Variants in ASIC2 observed in about 807,000 individuals in gnomAD.
ASIC2 encodes the protein acid-sensing ion channel 2.
In ASIC2, 25 loss-of-function variants were observed where a neutral mutation model predicts 57.3. That is an observed-to-expected ratio of 0.44 (90% CI 0.32 to 0.61). The LOEUF (loss-of-function observed/expected upper bound fraction) is 0.61, where lower values mean the gene tolerates loss of function less well. ASIC2 is among the 20% of genes least tolerant of loss of function. The pLI, the probability that ASIC2 is intolerant of heterozygous loss-of-function variation, is 0.06. For missense variants in ASIC2, 641 were observed against 738.1 expected (o/e 0.87, Z 1.52); for synonymous variants, 319 against 307.5 (o/e 1.04, Z -0.39).
At chr17:33,987,432 C>T (rs560244134) in intron 1 of ASIC2, among the ~76,000 whole-genome samples, 51 of 152,196 alleles carry the variant, frequency 3.4e-4, no homozygotes, top group Non-Finnish European at 7.1e-4. Flanking sequence ...CACTTTCCCA[C>T]ACAGCTTCCC....
At chr17:34,112,297 T>C (rs1911300127) in intron 1 of ASIC2, among the ~76,000 whole-genome samples, 1 of 152,116 alleles carries the variant, frequency 6.6e-6, no homozygotes, top group Non-Finnish European at 1.5e-5. Context: ...TTAAATACAT[T>C]AGAGTACCAA....
chr17:33,617,832 T>A (rs1406996546), intron 1 of ASIC2, among the ~76,000 whole-genome samples: 2 of 152,226 alleles, frequency 1.3e-5, no homozygotes, highest in African/African-American at 2.4e-5. Context: ...CAAAGAGGAA[T>A]AATTATATCA....
chr17:33,571,042 G>A (rs749628891), intron 1 of ASIC2, among the ~76,000 whole-genome samples: 2 of 151,958 alleles, frequency 1.3e-5, no homozygotes, highest in Admixed American at 6.6e-5. Context: ...CTAAAATATC[G>A]GGCCCAGCTT....
At chr17:33,026,834 T>A (rs1373793340) in intron 4 of ASIC2, among the ~76,000 whole-genome samples, 1 of 152,204 alleles carries the variant, frequency 6.6e-6, no homozygotes, top group Non-Finnish European at 1.5e-5. Context: ...TTCCTTATCA[T>A]TTTCCCCAAA....
chr17:33,480,852 G>A (rs1913381603), intron 1 of ASIC2, among the ~76,000 whole-genome samples: 1 of 152,142 alleles, frequency 6.6e-6, no homozygotes, highest in African/African-American at 2.4e-5. Flanking sequence ...GGCTCCACCT[G>A]CAGCATCCAA....
intron 1 of ASIC2, among the ~76,000 whole-genome samples, chr17:33,711,433 C>T (rs891679164): frequency 3.3e-5 from 5 of 152,164 alleles, no homozygotes; most frequent in East Asian, 1.9e-4. Context: ...CCTCCATATG[C>T]GGTCAAAGGG....
intron 1 of ASIC2, among the ~76,000 whole-genome samples, chr17:33,862,304 C>G (rs1597906548): frequency 6.6e-6 from 1 of 152,306 alleles, no homozygotes; most frequent in Middle Eastern, 3.4e-3. Context: ...AGAGAATAGA[C>G]AGTTGCATTT....
chr17:33,595,557 C>A (rs756868782), intron 1 of ASIC2, among the ~76,000 whole-genome samples: 120 of 152,312 alleles, frequency 7.9e-4, no homozygotes, highest in South Asian at 1.9e-3. Flanking sequence ...TTCTTCATTT[C>A]TTGTCACATC....
chr17:33,479,988 C>T (rs935918775), intron 1 of ASIC2, among the ~76,000 whole-genome samples: 1 of 152,208 alleles, frequency 6.6e-6, no homozygotes, highest in African/African-American at 2.4e-5. Context: ...ATGGTGAACG[C>T]TTTGCCTTCA....
intron 1 of ASIC2, among the ~76,000 whole-genome samples, chr17:33,722,650 A>G (rs1293845604): frequency 6.6e-6 from 1 of 151,652 alleles, no homozygotes; most frequent in Non-Finnish European, 1.5e-5. Context: ...ACATACATAG[A>G]TACTTGGGAG....
At chr17:33,301,040 GA>G (rs34688942) in intron 1 of ASIC2, among the ~76,000 whole-genome samples, 95,439 of 149,980 alleles carry the variant, frequency 0.64, 30,603 homozygotes, top group East Asian at 0.77. Flanking sequence ...ATTTATTTTA[GA>G]AAAAAAAAAT....
chr17:33,033,485 C>A (rs2091894600), intron 3 of ASIC2, among the ~76,000 whole-genome samples: 1 of 152,168 alleles, frequency 6.6e-6, no homozygotes, highest in South Asian at 2.1e-4. Context: ...GGTACAGCTG[C>A]AGCTGCCCTC....
chr17:33,399,914 T>G (rs1187787461), intron 1 of ASIC2, among the ~76,000 whole-genome samples: 7 of 152,212 alleles, frequency 4.6e-5, no homozygotes. Context: ...AAGTGAACTC[T>G]GCAGACAAGC....
At chr17:33,527,932 G>A (rs1230051522) in intron 1 of ASIC2, among the ~76,000 whole-genome samples, 1 of 152,156 alleles carries the variant, frequency 6.6e-6, no homozygotes, top group Non-Finnish European at 1.5e-5. Flanking sequence ...CTTTCGCTTT[G>A]ACATTTTCTG....
chr17:33,662,662 A>C (rs2916599), intron 1 of ASIC2, among the ~76,000 whole-genome samples: 70 of 99,190 alleles, frequency 7.1e-4, no homozygotes, highest in Middle Eastern at 4.9e-3. Flanking sequence ...TAAATAAATA[A>C]ATAAATAAGT....
At chr17:33,265,744 G>A (rs533808569) in intron 1 of ASIC2, among the ~76,000 whole-genome samples, 7 of 152,262 alleles carry the variant, frequency 4.6e-5, no homozygotes, top group South Asian at 2.1e-4. Context: ...GGGTGTCTTC[G>A]CTCTGGCTCT....
chr17:33,806,783 C>T (rs1055181432), intron 1 of ASIC2, among the ~76,000 whole-genome samples: 27 of 152,184 alleles, frequency 1.8e-4, no homozygotes, highest in African/African-American at 5.8e-4. Flanking sequence ...GTCTGGCTGT[C>T]AGGGACTTGG....
chr17:33,032,149 C>A (rs2141907581), intron 3 of ASIC2, among the ~76,000 whole-genome samples: 1 of 152,224 alleles, frequency 6.6e-6, no homozygotes, highest in East Asian at 1.9e-4. Flanking sequence ...TCATGTTGTT[C>A]TTTGTTTCCT....
intron 1 of ASIC2, among the ~76,000 whole-genome samples, chr17:33,171,849 A>G (rs1456022696): frequency 6.6e-6 from 1 of 151,866 alleles, no homozygotes; most frequent in African/African-American, 2.4e-5. Flanking sequence ...ACTCCCTCTC[A>G]CCACAAGGCC....
Sources: allele counts gnomAD v4.1 joint callset (sites outside exome capture counted in the v4.1 genomes callset), GRCh38; gene constraint gnomAD v4.1.1; transcripts MANE v1.5; gene names NCBI Gene and HGNC (gene_info 2026-07-23, HGNC 2026-07-21).